Variants in RBM19 observed in about 807,000 individuals in gnomAD.
RBM19 encodes RNA binding motif protein 19, also known as probable RNA-binding protein 19.
Under a neutral mutation model 116.8 loss-of-function variants are expected in RBM19, and 94 were observed. That is an observed-to-expected ratio of 0.80 (90% CI 0.68 to 0.95). RBM19 has a LOEUF of 0.95. Ranked by LOEUF, RBM19 falls within the 40% of genes least tolerant of loss-of-function variation. The probability of loss-of-function intolerance (pLI) is 0.00; values close to 1 mark genes in which losing one functional copy is unlikely to be tolerated. For synonymous variants in RBM19, 475 were observed against 494.1 expected (o/e 0.96, Z 0.51); for missense variants, 1,161 against 1,220.7 (o/e 0.95, Z 0.73).
intron 23 of RBM19, among the ~76,000 whole-genome samples, chr12:113,839,307 G>A (rs887851990): frequency 1.3e-5 from 2 of 152,222 alleles, no homozygotes; most frequent in Non-Finnish European, 2.9e-5. Flanking sequence ...GGCCTATTCT[G>A]AACATTTGAG....
At chr12:113,854,979 A>G (rs1877778306) in intron 22 of RBM19, among the ~76,000 whole-genome samples, 1 of 152,214 alleles carries the variant, frequency 6.6e-6, no homozygotes, top group Non-Finnish European at 1.5e-5. Context: ...GGTTACTCTG[A>G]GCTCTGCCAC....
intron 7 of RBM19, among the ~76,000 whole-genome samples, chr12:113,954,355 T>G (rs1259117765): frequency 1.3e-5 from 2 of 151,928 alleles, no homozygotes; most frequent in African/African-American, 4.8e-5. Context: ...ACAAAAACCA[T>G]CTAAGAAGAC....
chr12:113,872,298 C>T (rs1188807345), intron 21 of RBM19, among the ~76,000 whole-genome samples: 28 of 149,660 alleles, frequency 1.9e-4, no homozygotes, highest in Non-Finnish European at 2.4e-4. Context: ...GCAACCACCC[C>T]GTCTGAGAAG....
intron 16 of RBM19, among the ~76,000 whole-genome samples, chr12:113,927,706 AT>A (rs1869232956): frequency 6.6e-6 from 1 of 152,208 alleles, no homozygotes; most frequent in Non-Finnish European, 1.5e-5. Context: ...AAGAGTCTAA[AT>A]ACCCCCTTGA....
At chr12:113,957,401 C>T (rs1302364284) in intron 6 of RBM19, among the ~76,000 whole-genome samples, 1 of 151,956 alleles carries the variant, frequency 6.6e-6, no homozygotes, top group Non-Finnish European at 1.5e-5. Flanking sequence ...CATGACAAAA[C>T]CCCATTTCGA....
intron 21 of RBM19, among the ~76,000 whole-genome samples, chr12:113,871,893 C>T (rs1311854514): frequency 2.6e-5 from 4 of 151,974 alleles, no homozygotes; most frequent in African/African-American, 4.8e-5. Context: ...AAGGAGCAGC[C>T]GCCTGCCTTG....
chr12:113,933,664 G>A lies in RBM19; in HGVS notation c.2068+3343C>T, dbSNP rs573258883. On this transcript the variant is annotated intron_variant, in intron 16 of 23. Transcript: ENST00000261741. ...GTAGACCCAGGAAGCAGGGGGACCC[G>A]CGGGCAGGGGGTGGGAAAACACTCT... Among the ~76,000 whole-genome samples the A allele has an allele frequency of 2.7e-4, 41 of 152,328 alleles. No homozygotes were observed. The South Asian group carries it at 3.5e-3, about 13-fold the overall frequency.
At chr12:113,902,357 T>C (rs1003419773) in intron 21 of RBM19, among the ~76,000 whole-genome samples, 4 of 152,052 alleles carry the variant, frequency 2.6e-5, no homozygotes, top group Admixed American at 2.6e-4. Flanking sequence ...ATCCCAGCAC[T>C]TTGGGAGGCT....
chr12:113,904,877 G>A (rs1426640245), intron 21 of RBM19, among the ~76,000 whole-genome samples: 2 of 152,162 alleles, frequency 1.3e-5, no homozygotes, highest in Non-Finnish European at 2.9e-5. Flanking sequence ...CAATCATCCA[G>A]CTAGCTGCTT....
At chr12:113,844,047 C>G (rs1010352095) in intron 23 of RBM19, among the ~76,000 whole-genome samples, 2 of 152,224 alleles carry the variant, frequency 1.3e-5, no homozygotes, top group African/African-American at 4.8e-5. Flanking sequence ...GCCTAGGGCC[C>G]TGCTTGGTTA....
chr12:113,870,985 A>G (rs1879165336), intron 21 of RBM19, among the ~76,000 whole-genome samples: 1 of 152,226 alleles, frequency 6.6e-6, no homozygotes, highest in South Asian at 2.1e-4. Flanking sequence ...AGGCCCCTGC[A>G]TATGGTTCAG....
intron 22 of RBM19, among the ~76,000 whole-genome samples, chr12:113,845,348 C>T (rs1876870969): frequency 6.6e-6 from 1 of 152,070 alleles, no homozygotes; most frequent in Non-Finnish European, 1.5e-5. Context: ...CAGCTCCCAC[C>T]CCCAGCTCAG....
rs200306327 is a variant in RBM19, at chr12:113,945,878, C to T, written c.1576G>A (p.Asp526Asn). The change falls in exon 13 of 24, where the codon GAT (aspartate) becomes AAT (asparagine). Residue 526 changes from aspartate to asparagine, a missense_variant. Transcript: ENST00000261741. ...TLFMGPNAVA[D>N]AIAQKYNATK... Reference sequence around the variant, plus strand: ...GCGTTGTACTTCTGTGCGATGGCATCGGCCACGGCATTCGGCCCCATGAAT... The same window carrying T: ...GCGTTGTACTTCTGTGCGATGGCATTGGCCACGGCATTCGGCCCCATGAAT... 159 of 1,594,366 alleles carry T rather than the reference C, an allele frequency of 1.0e-4. No homozygotes were observed. The highest frequency in any genetic ancestry group is 1.3e-4 in the Non-Finnish European group (155 of 1,162,148).
rs1258383282 is a variant in RBM19, at chr12:113,927,152, C to T, written c.2146G>A (p.Glu716Lys). ...TCTTCTTCTTCCTCTTCCTCCTCCT[C>T]CTCTTCCATCTTTGCTGAAGAGTTG... ...ADNSSAKMEE[E>K]EEEEEEEEES... Residue 716 changes from glutamate (E) to lysine (K), a missense_variant, in exon 17 of 24, where the codon GAG becomes AAG. Coordinates refer to ENST00000261741, the MANE Select transcript of RBM19 (RefSeq NM_016196.4). 5 of 1,607,958 alleles carry T rather than the reference C, an allele frequency of 3.1e-6. No homozygotes were observed. The highest frequency in any genetic ancestry group is 1.6e-4 in the Middle Eastern group (1 of 6,074).
At chr12:113,952,701 T>C in intron 7 of RBM19, 111 bp from the exon 8 acceptor site, 4 of 861,288 alleles carry the variant, frequency 4.6e-6, no homozygotes, top group Non-Finnish European at 5.6e-6. Context: ...TGTTTCATTC[T>C]TTAGTTTTTC....
intron 23 of RBM19, among the ~76,000 whole-genome samples, chr12:113,827,639 GAGTTCTGAAAGGA>G (rs930603427): frequency 2.6e-5 from 4 of 152,098 alleles, no homozygotes; most frequent in African/African-American, 9.7e-5. Context: ...GGGGAGAAGG[GAGTTCTGAAAGGA>G]ACCCTGGGAT....
At chr12:113,881,808 T>C (rs999599059) in intron 21 of RBM19, among the ~76,000 whole-genome samples, 9 of 152,230 alleles carry the variant, frequency 5.9e-5, no homozygotes, top group African/African-American at 2.2e-4. Context: ...GAAAACCACA[T>C]GTTGCTTCCT....
intron 22 of RBM19, among the ~76,000 whole-genome samples, chr12:113,850,790 C>G (rs1156746284): frequency 6.6e-6 from 1 of 152,216 alleles, no homozygotes; most frequent in Admixed American, 6.5e-5. Context: ...GGGAGCTGTC[C>G]CTGGCAAAGC....
At chr12:113,887,036 A>G (rs2135799424) in intron 21 of RBM19, among the ~76,000 whole-genome samples, 2 of 152,356 alleles carry the variant, frequency 1.3e-5, no homozygotes, top group East Asian at 3.9e-4. Flanking sequence ...TTACATTTTT[A>G]AAATATTTTG....
Sources: gnomAD v4.1 joint callset for allele counts (sites outside exome capture counted in the v4.1 genomes callset) on GRCh38, gnomAD v4.1.1 for gene constraint, MANE v1.5 for transcripts, NCBI Gene and HGNC (gene_info 2026-07-23, HGNC 2026-07-21) for gene names.